SLC47A2: variants seen among roughly 807,000 people sequenced by gnomAD.
The protein encoded by SLC47A2 is multidrug and toxin extrusion protein 2.
Under a neutral mutation model 67.7 loss-of-function variants are expected in SLC47A2, and 52 were observed. The observed-to-expected ratio is 0.77, with a 90% CI of 0.61 to 0.97. The LOEUF (loss-of-function observed/expected upper bound fraction) is 0.97, where lower values mean the gene tolerates loss of function less well. SLC47A2 is among the 50% of genes least tolerant of loss of function. The pLI, the probability that SLC47A2 is intolerant of heterozygous loss-of-function variation, is 0.00. For missense variants in SLC47A2, 676 were observed against 712.3 expected (o/e 0.95, Z 0.58); for synonymous variants, 278 against 292.9 (o/e 0.95, Z 0.52).
At position 19,705,523 on chromosome 17, in the gene SLC47A2, T is replaced by C. The variant is rs2085909357; in HGVS notation, c.842-20A>G. 1.2e-6 allele frequency: 2 copies of C among 1,604,780 alleles called. No homozygotes were observed. Among genetic ancestry groups the C allele is most frequent in the Admixed American group, 1.7e-5 (1 of 59,228 alleles). On this transcript the variant is annotated intron_variant, in intron 9 of 16. Coordinates refer to ENST00000433844, the MANE Select transcript of SLC47A2 (RefSeq NM_001099646.3). ...GCAGCCCTAGAGAAGAGGCCCGCCGTGAGTCCGGCCCGCAGCCCCAGACAC... is the reference window on the plus strand; with the variant it reads ...GCAGCCCTAGAGAAGAGGCCCGCCGCGAGTCCGGCCCGCAGCCCCAGACAC...
chr17:19,715,706 G>GTT lies in SLC47A2; in HGVS notation c.124-491_124-490dup, dbSNP rs68064267. On this transcript the variant is annotated intron_variant, in intron 1 of 16. Transcript: ENST00000433844. ...ACTCCTTTTTGGTTTTGTTTTTTTT[G>GTT]TTTTTTTTTTTTTTTTTGAGACGGA... 26 of 118,688 alleles carry GTT rather than the reference G, an allele frequency of 2.2e-4. 2 individuals are homozygous for GTT. Among genetic ancestry groups the GTT allele is most frequent in the Non-Finnish European group, 2.7e-4 (17 of 62,014 alleles). 7.4% of individuals were successfully genotyped at this position (118,688 alleles called of 1,614,324 possible).
chr17:19,704,363 G>C (rs989556874), intron 10 of SLC47A2, among the ~76,000 whole-genome samples, 185 bp from the exon 11 acceptor site: 1 of 152,252 alleles, frequency 6.6e-6, no homozygotes, highest in Non-Finnish European at 1.5e-5. Context: ...TGGGAGAAGG[G>C]TGGGGGTACC....
At chr17:19,712,664 G>A in intron 5 of SLC47A2, 39 bp downstream of exon 5, 3 of 1,606,344 alleles carry the variant, frequency 1.9e-6, no homozygotes, top group Non-Finnish European at 2.6e-6. Flanking sequence ...CAGAATTTAG[G>A]GGAATGTGAT....
intron 11 of SLC47A2, 56 bp from the exon 12 acceptor site, chr17:19,703,223 C>G: frequency 1.3e-6 from 2 of 1,534,084 alleles, no homozygotes; most frequent in Non-Finnish European, 1.8e-6. Context: ...AGCACCCTTG[C>G]TCAGATCAGC....
At position 19,716,544 on chromosome 17, in the gene SLC47A2, G is replaced by A; in HGVS notation, c.12C>T (p.Leu4=). 6.2e-7 allele frequency: 1 copy of A among 1,607,178 alleles called. No homozygotes were observed. Among genetic ancestry groups the A allele is most frequent in the Non-Finnish European group, 8.5e-7 (1 of 1,177,390 alleles). The change falls in exon 1 of 17, where the codon CTC becomes CTT. Residue 4 remains leucine, a synonymous_variant. Transcript: ENST00000433844. ...CATGGTCCAGGGCCACTGTGTCCTG[G>A]AGGCTGTCCATTCCTGGCCGGGGCA... The part of the protein sequence containing the change: MDS[L]QDTVALDHGG...
intron 16 of SLC47A2, 130 bp from the exon 17 acceptor site, chr17:19,679,036 A>G: frequency 1.4e-6 from 1 of 693,134 alleles, no homozygotes; most frequent in Non-Finnish European, 2.5e-6. Flanking sequence ...ATGCCTATAC[A>G]GTAGAAAAAT....
chr17:19,706,627 C>T, intron 9 of SLC47A2, 21 bp downstream of exon 9: 1 of 1,553,650 alleles, frequency 6.4e-7, no homozygotes. Flanking sequence ...GCCATTGCGC[C>T]CCCCATCCTC....
At chr17:19,701,167 CAAAA>C (rs35086555) in intron 13 of SLC47A2, among the ~76,000 whole-genome samples, 2,792 of 64,894 alleles carry the variant, frequency 0.043, 23 homozygotes, top group East Asian at 0.096. Context: ...GACTCTGTCT[CAAAA>C]AAAAAAAAAA....
At chr17:19,689,383 T>C (rs539318217) in intron 13 of SLC47A2, among the ~76,000 whole-genome samples, 8 of 152,292 alleles carry the variant, frequency 5.3e-5, no homozygotes, top group African/African-American at 1.7e-4. Flanking sequence ...GTAAAATACT[T>C]AGGAATAAAC....
At chr17:19,701,512 C>G (rs191118682) in intron 13 of SLC47A2, among the ~76,000 whole-genome samples, 1 of 152,168 alleles carries the variant, frequency 6.6e-6, no homozygotes. Flanking sequence ...GGCTGGAATG[C>G]GCCAGTATTG....
intron 13 of SLC47A2, among the ~76,000 whole-genome samples, chr17:19,687,385 G>A (rs1386601515): frequency 6.6e-6 from 1 of 151,994 alleles, no homozygotes; most frequent in South Asian, 2.1e-4. Flanking sequence ...AACTAGAAAA[G>A]CAAGAGAAAA....
At chr17:19,709,052 G>C (rs1031011470) in intron 5 of SLC47A2, among the ~76,000 whole-genome samples, 1 of 152,256 alleles carries the variant, frequency 6.6e-6, no homozygotes, top group Non-Finnish European at 1.5e-5. Context: ...ATAGTGCACA[G>C]TGCCTGGTAG....
At chr17:19,703,276 T>C (rs2085837336) in intron 11 of SLC47A2, 109 bp from the exon 12 acceptor site, 9 of 915,872 alleles carry the variant, frequency 9.8e-6, no homozygotes, top group Middle Eastern at 2.3e-4. Context: ...CCCAGCCCTC[T>C]GCAACCAGGT....
At chr17:19,706,823 C>A in intron 8 of SLC47A2, 62 bp from the exon 9 acceptor site, 1 of 1,341,936 alleles carries the variant, frequency 7.5e-7, no homozygotes, top group Non-Finnish European at 1.0e-6. Flanking sequence ...TTCCTGCTCC[C>A]CACTGCCAGG....
At chr17:19,697,985 G>A (rs188493436) in intron 13 of SLC47A2, among the ~76,000 whole-genome samples, 6 of 152,138 alleles carry the variant, frequency 3.9e-5, no homozygotes, top group East Asian at 3.9e-4. Flanking sequence ...AAAGGGGCTC[G>A]TCATTAGAGA....
At chr17:19,708,960 C>G (rs910174114) in intron 5 of SLC47A2, among the ~76,000 whole-genome samples, 200 bp from the exon 6 acceptor site, 2 of 152,214 alleles carry the variant, frequency 1.3e-5, no homozygotes, top group Non-Finnish European at 2.9e-5. Context: ...ATGGAAGAGG[C>G]CCCCTCAGGG....
chr17:19,707,873 C>T, intron 7 of SLC47A2, 30 bp from the exon 8 acceptor site: 1 of 1,548,238 alleles, frequency 6.5e-7, no homozygotes, highest in Non-Finnish European at 8.8e-7. Context: ...AGGGCTGCGA[C>T]TGATGCCAAC....
chr17:19,678,644 T>A lies in SLC47A2; in HGVS notation c.*42A>T, dbSNP rs772276852. 6.3e-7 allele frequency: 1 copy of A among 1,599,144 alleles called. No individual in the cohort carries two copies. Among genetic ancestry groups the A allele is most frequent in the South Asian group, 1.1e-5 (1 of 90,728 alleles). On this transcript the variant is annotated 3_prime_UTR_variant, in exon 17 of 17. Transcript: ENST00000433844. Reference sequence around the variant, plus strand: ...GGCAGACCGTGGTGTGTTTGCATACTGGGGACAGCCACTCCTGGCTTTCTA... The same window carrying A: ...GGCAGACCGTGGTGTGTTTGCATACAGGGGACAGCCACTCCTGGCTTTCTA...
At position 19,701,479 on chromosome 17, in the gene SLC47A2, G is replaced by GT. The variant is rs1217843610; in HGVS notation, c.1164+1125dup. Among the ~76,000 whole-genome samples, 3 of 152,108 alleles carry GT rather than the reference G, an allele frequency of 2.0e-5. No individual in the cohort carries two copies. In the East Asian group the frequency reaches 5.8e-4, roughly 29 times the overall value. ...ATGAGTTGGTAATTATTATGCAAGT[G>GT]TTTTTTCCCCAGGTAGGGAAAGGGC... On this transcript the variant is annotated intron_variant, in intron 13 of 16. Coordinates refer to ENST00000433844, the MANE Select transcript of SLC47A2 (RefSeq NM_001099646.3).
Sources: allele counts gnomAD v4.1 joint callset (sites outside exome capture counted in the v4.1 genomes callset), GRCh38; gene constraint gnomAD v4.1.1; transcripts MANE v1.5; gene names NCBI Gene and HGNC (gene_info 2026-07-23, HGNC 2026-07-21).